NAT1: variants seen among roughly 807,000 people sequenced by gnomAD.
NAT1 encodes the protein arylamine N-acetyltransferase 1.
For missense variants in NAT1, 400 were observed against 339.2 expected (o/e 1.18, Z -1.41); for synonymous variants, 144 against 122.6 (o/e 1.17, Z -1.16).
intron 2 of NAT1, among the ~76,000 whole-genome samples, chr8:18,173,989 A>T (rs546268218): frequency 1.3e-5 from 2 of 152,156 alleles, no homozygotes; most frequent in Non-Finnish European, 2.9e-5. Context: ...GTCTATTGAG[A>T]TGGATAAAGT....
At chr8:18,220,296 G>A (rs1805148585) in intron 2 of NAT1, among the ~76,000 whole-genome samples, 1 of 152,098 alleles carries the variant, frequency 6.6e-6, no homozygotes. Context: ...GGCAATATGG[G>A]GAGGATAGCT....
At chr8:18,176,237 C>T (rs1802290108) in intron 2 of NAT1, among the ~76,000 whole-genome samples, 1 of 152,058 alleles carries the variant, frequency 6.6e-6, no homozygotes, top group African/African-American at 2.4e-5. Context: ...TCCACTTTTG[C>T]TCTTGTGGCC....
At chr8:18,186,417 T>C (rs1192331051) in intron 2 of NAT1, among the ~76,000 whole-genome samples, 1 of 152,188 alleles carries the variant, frequency 6.6e-6, no homozygotes, top group Admixed American at 6.5e-5. Flanking sequence ...ATCTTTCTTT[T>C]TTTCTTGTTG....
chr8:18,217,248 G>A (rs2117390220), intron 1 of NAT1, among the ~76,000 whole-genome samples: 1 of 152,308 alleles, frequency 6.6e-6, no homozygotes, highest in South Asian at 2.1e-4. Flanking sequence ...AATCCTCTAA[G>A]TTGTTTCTTA....
chr8:18,205,922 G>C (rs1803696570), upstream of NAT1, among the ~76,000 whole-genome samples: 1 of 152,336 alleles, frequency 6.6e-6, no homozygotes, highest in Non-Finnish European at 1.5e-5. Context: ...TGATGGGCAA[G>C]ACCACCCTGC....
upstream of NAT1, among the ~76,000 whole-genome samples, chr8:18,205,176 T>C (rs189892968): frequency 2.6e-4 from 39 of 152,252 alleles, no homozygotes; most frequent in Non-Finnish European, 5.0e-4. Context: ...GCAGCAGTGG[T>C]AGTGGCAGCA....
At position 18,222,309 on chromosome 8, in the gene NAT1, A is replaced by T; in HGVS notation, c.262A>T (p.Met88Leu). The T allele has an allele frequency of 6.2e-7, 1 of 1,614,086 alleles. No homozygotes were observed. The highest frequency in any genetic ancestry group is 1.7e-5 in the Admixed American group (1 of 60,010). ...ALTTIGFETT[M>L]LGGYVYSTPA... ...GACCACTATTGGTTTTGAGACCACG[A>T]TGTTGGGAGGGTATGTTTACAGCAC... Residue 88 changes from methionine (M) to leucine (L), a missense_variant, in exon 3 of 3, where the codon ATG becomes TTG. By Grantham distance (15) the Met-to-Leu change is conservative. Coordinates refer to ENST00000307719, the MANE Select transcript of NAT1 (RefSeq NM_000662.8).
chr8:18,194,715 G>A (rs997863785), intron 2 of NAT1, among the ~76,000 whole-genome samples: 1 of 152,032 alleles, frequency 6.6e-6, no homozygotes, highest in Middle Eastern at 3.2e-3. Context: ...AGCTACTTGG[G>A]AGGCTGAGGC....
chr8:18,181,826 T>C (rs901701102), intron 2 of NAT1, among the ~76,000 whole-genome samples: 1 of 152,128 alleles, frequency 6.6e-6, no homozygotes, highest in Admixed American at 6.6e-5. Flanking sequence ...TTCAGTCAGG[T>C]AGTGGTGAAG....
intron 2 of NAT1, among the ~76,000 whole-genome samples, chr8:18,192,316 C>T (rs1293370974): frequency 5.3e-5 from 8 of 152,100 alleles, no homozygotes; most frequent in Admixed American, 2.0e-4. Flanking sequence ...GTTAGAATGG[C>T]GATCATTAAA....
At chr8:18,201,941 T>A (rs553532111) in intron 2 of NAT1, among the ~76,000 whole-genome samples, 5 of 152,324 alleles carry the variant, frequency 3.3e-5, no homozygotes, top group African/African-American at 1.2e-4. Context: ...ACAAGCTAAG[T>A]GGAAAAGACC....
At chr8:18,214,027 A>G (rs942178067) in intron 1 of NAT1, among the ~76,000 whole-genome samples, 2 of 151,910 alleles carry the variant, frequency 1.3e-5, no homozygotes, top group Non-Finnish European at 2.9e-5. Context: ...GTTAGCCAGG[A>G]TGGTCTCGAT....
intron 2 of NAT1, among the ~76,000 whole-genome samples, chr8:18,196,049 G>A (rs866382276): frequency 1.1e-4 from 16 of 151,780 alleles, no homozygotes; most frequent in African/African-American, 3.6e-4. Flanking sequence ...TTAATTTACA[G>A]AAAAAAAGCT....
chr8:18,173,146 G>GCACGCACACACA (rs112149943), intron 2 of NAT1, among the ~76,000 whole-genome samples: 56 of 146,632 alleles, frequency 3.8e-4, no homozygotes, highest in African/African-American at 1.4e-3. Flanking sequence ...ACACAGAGAT[G>GCACGCACACACA]CACACACACA....
In NAT1 at chr8:18,201,786, G is replaced by A. The variant is rs142851478; in HGVS notation, n.93-7995G>A. Among the ~76,000 whole-genome samples, 6 of 152,280 alleles carry A rather than the reference G, an allele frequency of 3.9e-5. No homozygotes were observed. In the East Asian group the frequency reaches 1.2e-3, roughly 29 times the overall value. ...GACCTAGGATTCAGTGTGAAAATGG[G>A]ATTCTTGATTTCGGGGTATCTAAGT... is the stretch of plus-strand genomic sequence containing the variant. On this transcript the variant is annotated intron_variant and non_coding_transcript_variant, in intron 2 of 4. Coordinates refer to the NAT1 transcript ENST00000517441.
chr8:18,182,413 C>T (rs1802557050), intron 2 of NAT1, among the ~76,000 whole-genome samples: 1 of 152,092 alleles, frequency 6.6e-6, no homozygotes, highest in African/African-American at 2.4e-5. Flanking sequence ...TGAAGATTTT[C>T]TGCACTGATG....
chr8:18,215,120 G>T (rs920965178), intron 1 of NAT1, among the ~76,000 whole-genome samples: 1 of 151,588 alleles, frequency 6.6e-6, no homozygotes, highest in Non-Finnish European at 1.5e-5. Flanking sequence ...CTGTGTCTTT[G>T]CTATTGTGAA....
At chr8:18,217,085 G>C (rs149824115) in intron 1 of NAT1, 12 of 813,606 alleles carry the variant, frequency 1.5e-5, no homozygotes, top group African/African-American at 1.2e-4. Context: ...TGGGGAATTA[G>C]TGAGAATTTC....
At chr8:18,173,902 T>G (rs1252788205) in intron 2 of NAT1, among the ~76,000 whole-genome samples, 1 of 151,514 alleles carries the variant, frequency 6.6e-6, no homozygotes. Context: ...ATAGTTTCAT[T>G]GCAATTACTT....
Sources: allele counts gnomAD v4.1 joint callset (sites outside exome capture counted in the v4.1 genomes callset), GRCh38; gene constraint gnomAD v4.1.1; transcripts MANE v1.5; gene names NCBI Gene and HGNC (gene_info 2026-07-23, HGNC 2026-07-21).